LILRB1: variants seen among roughly 807,000 people sequenced by gnomAD.
The protein encoded by LILRB1 is leukocyte immunoglobulin-like receptor subfamily B member 1.
A neutral mutation model predicts 74.6 loss-of-function variants in LILRB1; 59 were observed. The observed-to-expected ratio is 0.79, with a 90% CI of 0.64 to 0.98. The LOEUF (loss-of-function observed/expected upper bound fraction) is 0.98. Ranked by LOEUF, LILRB1 falls within the 50% of genes least tolerant of loss-of-function variation. LILRB1 has a pLI of 0.00. For synonymous variants in LILRB1, 328 were observed against 333.9 expected (o/e 0.98, Z 0.19); for missense variants, 804 against 822.6 (o/e 0.98, Z 0.28).
At position 54,634,761 on chromosome 19, in the gene LILRB1, C is replaced by A; in HGVS notation, c.1484C>A (p.Ser495Ter). ...RHRRQGKHWT[S>*]TQRKADFQHP... ...CGACGTCAGGGCAAACACTGGACAT[C>A]GAGTGAGTAGGGAATGGGGGGACCC... The change falls in exon 10 of 15, where the codon TCG (serine) becomes TAG (stop). Residue 495 changes from serine to a stop codon, truncating the protein, a stop_gained and splice_region_variant. Coordinates refer to ENST00000324602, the MANE Select transcript of LILRB1 (RefSeq NM_001081637.3). LOFTEE classifies it high-confidence loss of function. 6.2e-7 allele frequency: 1 copy of A among 1,613,690 alleles called. No individual in the cohort carries two copies. The highest frequency in any genetic ancestry group is 8.5e-7 in the Non-Finnish European group (1 of 1,179,780).
At chr19:54,633,904 G>A in intron 8 of LILRB1, 67 bp from the exon 9 acceptor site, 1 of 1,543,398 alleles carries the variant, frequency 6.5e-7, no homozygotes, top group Non-Finnish European at 8.8e-7. Context: ...CCAGCCTGGG[G>A]GAGGAGCAGC....
chr19:54,624,477 G>A (rs1307896900), intron 1 of LILRB1, among the ~76,000 whole-genome samples: 1 of 152,120 alleles, frequency 6.6e-6, no homozygotes, highest in African/African-American at 2.4e-5. Context: ...CAGACCCTGA[G>A]CGGCTGTCTG....
rs1462654340 is a variant in LILRB1 at position 54,637,913 on chromosome 19, AAC to A, written c.*1037_*1038del. Among the ~76,000 whole-genome samples, 1 of 152,224 alleles carries A rather than the reference AAC, an allele frequency of 6.6e-6. No individual in the cohort carries two copies. On this transcript the variant is annotated 3_prime_UTR_variant, in exon 15 of 15. Coordinates refer to ENST00000324602, the MANE Select transcript of LILRB1 (RefSeq NM_001081637.3). ...ATTCTAAACTGGAGTTTACATAATGAACATAAGAGTAATCAGAGAATCTGACT... is the reference window on the plus strand; with the variant it reads ...ATTCTAAACTGGAGTTTACATAATGAATAAGAGTAATCAGAGAATCTGACT...
rs760781181 is a variant in LILRB1 at position 54,630,648 on chromosome 19, A to T, written c.-49+15A>T. On this transcript the variant is annotated intron_variant, in intron 1 of 14. Transcript: ENST00000324602. ...CGACTGCCATGGTAAGGACCCCACA[A>T]CACTGAGCTGATGGACGGCTGAAGG... The T allele has an allele frequency of 2.1e-4, 187 of 905,144 alleles. No individual in the cohort carries two copies. The highest frequency in any genetic ancestry group is 3.0e-4 in the Non-Finnish European group (171 of 575,240). The allele number at this position is 905,144 out of a possible 1,614,324, so 56.1% of individuals were successfully genotyped here.
intron 13 of LILRB1, 179 bp from the exon 14 acceptor site, chr19:54,636,315 G>A (rs2064414593): frequency 2.3e-6 from 3 of 1,277,012 alleles, no homozygotes; most frequent in African/African-American, 3.0e-5. Context: ...CAACGTCAGA[G>A]TGAGGAGCAG....
intron 1 of LILRB1, among the ~76,000 whole-genome samples, chr19:54,624,113 T>C (rs2063520018): frequency 6.6e-6 from 1 of 152,130 alleles, no homozygotes; most frequent in South Asian, 2.1e-4. Flanking sequence ...GAGCTTTGTG[T>C]TCCACAGGGG....
rs114930141 is a variant in LILRB1, at chr19:54,631,030, G to C, written c.-44G>C. ...TGTGTCTCTCTATCCTGCCAGCACCGAGGGCTCATCCATCCACAGAGCAGG... is the reference window on the plus strand; with the variant it reads ...TGTGTCTCTCTATCCTGCCAGCACCCAGGGCTCATCCATCCACAGAGCAGG... On this transcript the variant is annotated 5_prime_UTR_variant, in exon 2 of 15. Coordinates refer to ENST00000324602, the MANE Select transcript of LILRB1 (RefSeq NM_001081637.3). 8.3e-4 allele frequency: 1,337 copies of C among 1,614,172 alleles called. No individual in the cohort carries two copies. In the African/African-American group the frequency reaches 0.015, roughly 19 times the overall value.
chr19:54,632,585 G>A lies in LILRB1; in HGVS notation c.783G>A (p.Gly261=), dbSNP rs1295237629. 11 of 1,614,032 alleles carry A rather than the reference G, an allele frequency of 6.8e-6. No individual in the cohort carries two copies. The Admixed American group carries it at 8.3e-5, about 12-fold the overall frequency. Residue 261 remains glycine, a synonymous_variant, in exon 6 of 15, where the codon GGG becomes GGA. Transcript: ENST00000324602. The part of the protein sequence containing the change: ...GYNRFVLYKD[G]ERDFLQLAGA... ...ACAGATTTGTTCTGTATAAGGACGG[G>A]GAACGTGACTTCCTTCAGCTCGCTG...
Position 54,637,178 on chromosome 19 carries a change from G to A in LILRB1, c.*300G>A, listed in dbSNP as rs930934506. ...ATGAAACTGGAAAACTACAAGCCAC[G>A]AATGAATGAATTAGGAAAGAAAAAA... On this transcript the variant is annotated 3_prime_UTR_variant, in exon 15 of 15. Transcript: ENST00000324602. 2.2e-5 allele frequency: 8 copies of A among 371,762 alleles called. No individual in the cohort carries two copies. The highest frequency in any genetic ancestry group is 1.3e-4 in the Admixed American group (3 of 23,864). The allele number at this position is 371,762 out of a possible 1,614,324, so 23.0% of individuals were successfully genotyped here. A position where few individuals can be genotyped will look rare whatever the true frequency, so the allele number is the denominator to read the frequency against.
Position 54,631,749 on chromosome 19 carries a change from G to A in LILRB1, c.320G>A (p.Arg107His), listed in dbSNP as rs142396802. The A allele has an allele frequency of 1.3e-5, 21 of 1,611,952 alleles. No homozygotes were observed. The highest frequency in any genetic ancestry group is 5.3e-5 in the African/African-American group (4 of 74,966). ...RCYYGSDTAG[R>H]SESSDPLELV... ...TACTATGGTAGCGACACTGCAGGCC[G>A]CTCAGAGAGCAGTGACCCCCTGGAG... The change falls in exon 4 of 15, where the codon CGC becomes CAC. Residue 107 changes from arginine to histidine, a missense_variant. Physicochemically the swap from Arg to His is conservative, Grantham distance 29 (BLOSUM62 0). Coordinates refer to ENST00000324602, the MANE Select transcript of LILRB1 (RefSeq NM_001081637.3).
Position 54,631,789 on chromosome 19 carries a change from T to C in LILRB1, c.358+2T>C. On this transcript the variant is annotated splice_donor_variant, in intron 4 of 14. Transcript: ENST00000324602. LOFTEE classifies it high-confidence loss of function. ...ACCCCCTGGAGCTGGTGGTGACAGG[T>C]GAGCTGACACTCAGGGGTCCCAGCC... 1.2e-6 allele frequency: 2 copies of C among 1,614,002 alleles called. No homozygotes were observed. Among genetic ancestry groups the C allele is most frequent in the Non-Finnish European group, 1.7e-6 (2 of 1,179,880 alleles).
chr19:54,634,595 T>A (rs759353180), intron 9 of LILRB1, 46 bp from the exon 10 acceptor site: 2 of 1,573,476 alleles, frequency 1.3e-6, no homozygotes, highest in Admixed American at 1.9e-5. Context: ...CAGTAGGCGC[T>A]CATTTCAATG....
rs569262462 is a variant in LILRB1, at chr19:54,631,290, G to A, written c.54G>A (p.Arg18=). 4.3e-6 allele frequency: 7 copies of A among 1,613,394 alleles called. No individual in the cohort carries two copies. The African/African-American group carries it at 8.0e-5, about 18-fold the overall frequency. ...TTCCAGGGCTGAGTCTGGGCCCCCG[G>A]ACCCACGTGCAGGCAGGTGAGTCTG... ...LICLGLSLGP[R]THVQAGHLPK... The change falls in exon 3 of 15, where the codon CGG becomes CGA. Residue 18 remains arginine, a synonymous_variant. Coordinates refer to ENST00000324602, the MANE Select transcript of LILRB1 (RefSeq NM_001081637.3).
chr19:54,637,196 A>G lies in LILRB1; in HGVS notation c.*318A>G, dbSNP rs1281045256. The G allele has an allele frequency of 3.1e-6, 1 of 325,076 alleles. No individual in the cohort carries two copies. Among genetic ancestry groups the G allele is most frequent in the Non-Finnish European group, 5.6e-6 (1 of 177,798 alleles). 20.1% of individuals were successfully genotyped at this position (325,076 alleles called of 1,614,324 possible). On this transcript the variant is annotated 3_prime_UTR_variant, in exon 15 of 15. Transcript: ENST00000324602. ...AAGCCACGAATGAATGAATTAGGAA[A>G]GAAAAAAAGTAGGAAATGAATGATC...
chr19:54,617,586 T>TGTGG (rs1555789311), intron 1 of LILRB1, among the ~76,000 whole-genome samples: 1 of 141,004 alleles, frequency 7.1e-6, no homozygotes, highest in African/African-American at 2.5e-5. Flanking sequence ...TGTGTGTGTG[T>TGTGG]GTGGTGTGTG....
upstream of LILRB1, among the ~76,000 whole-genome samples, chr19:54,627,810 T>C (rs1568571607): frequency 1.3e-5 from 2 of 152,208 alleles, no homozygotes; most frequent in Non-Finnish European, 2.9e-5. Context: ...GAAGAAGACT[T>C]CTAGGACCAG....
At position 54,633,080 on chromosome 19, in the gene LILRB1, C is replaced by T. The variant is rs201120319; in HGVS notation, c.1023C>T (p.Asn341=). The T allele has an allele frequency of 9.7e-5, 157 of 1,614,100 alleles. No homozygotes were observed. The highest frequency in any genetic ancestry group is 1.2e-4 in the Non-Finnish European group (138 of 1,180,010). The change falls in exon 7 of 15, where the codon AAC becomes AAT. Residue 341 remains asparagine, a synonymous_variant. Coordinates refer to ENST00000324602, the MANE Select transcript of LILRB1 (RefSeq NM_001081637.3). ...GCCCCACGGTGGCCTCAGGAGAGAA[C>T]GTGACCCTGCTGTGTCAGTCACAGG... The part of the protein sequence containing the change: ...QPGPTVASGE[N]VTLLCQSQGW...
chr19:54,627,358 G>C, upstream of LILRB1, among the ~76,000 whole-genome samples: 2 of 152,182 alleles, frequency 1.3e-5, no homozygotes, highest in Non-Finnish European at 2.9e-5. Flanking sequence ...ACACCCAATA[G>C]GAAAGTCACA....
rs562284717 is a variant in LILRB1, at chr19:54,636,825, G to A, written c.1906G>A (p.Glu636Lys). 118 of 1,613,456 alleles carry A rather than the reference G, an allele frequency of 7.3e-5. No individual in the cohort carries two copies. The South Asian group carries it at 9.1e-4, about 12-fold the overall frequency. The stretch of plus-strand genomic sequence containing the variant: ...GGCAACTGAGCCTCCTCCATCCCAG[G>A]AAGGGCCCTCTCCAGCTGTGCCCAG... Reference protein sequence around the residue: ...REATEPPPSQEGPSPAVPSIY... With the variant: ...REATEPPPSQKGPSPAVPSIY... The change falls in exon 15 of 15, where the codon GAA (glutamate) becomes AAA (lysine). Residue 636 changes from glutamate to lysine, a missense_variant. Coordinates refer to ENST00000324602, the MANE Select transcript of LILRB1 (RefSeq NM_001081637.3).
Sources: gnomAD v4.1 joint callset for allele counts (sites outside exome capture counted in the v4.1 genomes callset) on GRCh38, gnomAD v4.1.1 for gene constraint, MANE v1.5 for transcripts, NCBI Gene and HGNC (gene_info 2026-07-23, HGNC 2026-07-21) for gene names.